Variants in TRAPPC11 observed in about 807,000 individuals in gnomAD.
TRAPPC11 encodes the protein foie gras homolog.
TRAPPC11 carries 104 observed loss-of-function variants against 151.2 expected under a neutral mutation model. The ratio of observed to expected loss-of-function variants is 0.69; its 90% CI spans 0.59 to 0.81. TRAPPC11 has a LOEUF of 0.81. Among genes scored for constraint, TRAPPC11 ranks in the 30% least tolerant of loss-of-function variants. The pLI is 0.00. For missense variants in TRAPPC11, 1,230 were observed against 1,349.6 expected (o/e 0.91, Z 1.39); for synonymous variants, 456 against 472.3 (o/e 0.97, Z 0.45).
At chr4:183,663,736 G>GTTTTTTTTTTTTTTTTTTTTTTTTTTTTT (rs70959134) in intron 1 of TRAPPC11, 111 bp from the exon 2 acceptor site, 1 of 378,496 alleles carries the variant, frequency 2.6e-6, no homozygotes, top group Non-Finnish European at 4.6e-6. Flanking sequence ...AATATGAGTT[G>GTTTTTTTTTTTTTTTTTTTTTTTTTTTTT]TTTTTTTTTT....
chr4:183,683,876 T>C (rs1735823905), intron 11 of TRAPPC11, 99 bp from the exon 12 acceptor site: 3 of 939,210 alleles, frequency 3.2e-6, no homozygotes, highest in Non-Finnish European at 5.1e-6. Flanking sequence ...GAAATGATTA[T>C]ATTAAATAAA....
At position 183,693,972 on chromosome 4, in the gene TRAPPC11, G is replaced by C. The variant is rs1234210727; in HGVS notation, c.2442G>C (p.Leu814=). The C allele has an allele frequency of 6.2e-7, 1 of 1,613,940 alleles. No individual in the cohort carries two copies. The highest frequency in any genetic ancestry group is 8.5e-7 in the Non-Finnish European group (1 of 1,179,936). The change falls in exon 22 of 30, where the codon CTG becomes CTC. Residue 814 remains leucine (L), a synonymous_variant. Coordinates refer to ENST00000334690, the MANE Select transcript of TRAPPC11 (RefSeq NM_021942.6). ...ACGTGACTCTTCATGGAACAGAACT[G>C]TGTGATGAATCCTACCCGGCTTTAC... ...KTHVTLHGTE[L]CDESYPALLT...
At chr4:183,660,723 G>T (rs545997045) in intron 1 of TRAPPC11, among the ~76,000 whole-genome samples, 85 of 152,188 alleles carry the variant, frequency 5.6e-4, no homozygotes, top group African/African-American at 1.9e-3. Context: ...GTTTTTTGTT[G>T]TTGTTGTTGA....
intron 2 of TRAPPC11, among the ~76,000 whole-genome samples, chr4:183,665,207 G>C (rs113507943): frequency 9.0e-5 from 13 of 144,362 alleles, no homozygotes; most frequent in African/African-American, 3.1e-4. Context: ...CCATTCTCCT[G>C]CTTCAGCCTC....
In TRAPPC11 at chr4:183,704,991, G is replaced by A. The variant is rs1363823033; in HGVS notation, c.2976G>A (p.Met992Ile). 2 of 1,592,768 alleles carry A rather than the reference G, an allele frequency of 1.3e-6. 1 individual carries two copies. Among genetic ancestry groups the A allele is most frequent in the South Asian group, 2.3e-5 (2 of 88,090 alleles). ...YIISWKRTSA[M>I]ENIPIITTVI... is the part of the protein sequence containing the mutation. ...TCTTCTGCCACAGGACCTCAGCAATGGAGAATATCCCCATCATCACAACTG... is the reference window on the plus strand; with the variant it reads ...TCTTCTGCCACAGGACCTCAGCAATAGAGAATATCCCCATCATCACAACTG... Residue 992 changes from methionine to isoleucine, a missense_variant, in exon 27 of 30, where the codon ATG becomes ATA. Met to Ile is a conservative substitution (Grantham distance 10). Transcript: ENST00000334690.
chr4:183,665,026 C>T (rs957208674), intron 2 of TRAPPC11, among the ~76,000 whole-genome samples: 3 of 151,346 alleles, frequency 2.0e-5, no homozygotes, highest in African/African-American at 7.3e-5. Flanking sequence ...AAACTGAGCT[C>T]TCTGAAATTG....
chr4:183,693,372 T>G (rs1561052774), intron 20 of TRAPPC11, among the ~76,000 whole-genome samples: 1 of 152,102 alleles, frequency 6.6e-6, no homozygotes, highest in African/African-American at 2.4e-5. Flanking sequence ...GCCTGACTAA[T>G]TTTTGTATTT....
intron 22 of TRAPPC11, among the ~76,000 whole-genome samples, chr4:183,694,298 A>C (rs112293226): frequency 6.6e-6 from 1 of 152,212 alleles, no homozygotes; most frequent in Non-Finnish European, 1.5e-5. Context: ...AACTTAGTGC[A>C]GTTAACTTCT....
intron 1 of TRAPPC11, among the ~76,000 whole-genome samples, chr4:183,659,924 G>C (rs1177290213): frequency 7.3e-6 from 1 of 136,878 alleles, no homozygotes; most frequent in Non-Finnish European, 1.6e-5. Context: ...ATTAGGTTTT[G>C]GGGTTTTTTT....
At position 183,675,145 on chromosome 4, in the gene TRAPPC11, T is replaced by A. The variant is rs772287226; in HGVS notation, c.661-19T>A. 2.2e-6 allele frequency: 3 copies of A among 1,384,600 alleles called. No individual in the cohort carries two copies. The highest frequency in any genetic ancestry group is 2.9e-6 in the Non-Finnish European group (3 of 1,025,860). The allele number at this position is 1,384,600 out of a possible 1,614,324, so 85.8% of individuals were successfully genotyped here. ...TTAAATAGAATATGTATAATAGTAATTTTTTTGTCTCTTTTTAGCTTTTAT... is the reference window on the plus strand; with the variant it reads ...TTAAATAGAATATGTATAATAGTAAATTTTTTGTCTCTTTTTAGCTTTTAT... On this transcript the variant is annotated intron_variant, in intron 6 of 29. Transcript: ENST00000334690.
At chr4:183,673,616 G>A (rs1239638954) in intron 5 of TRAPPC11, among the ~76,000 whole-genome samples, 2 of 152,148 alleles carry the variant, frequency 1.3e-5, no homozygotes, top group Non-Finnish European at 2.9e-5. Flanking sequence ...TGAGGCTGTG[G>A]TGAGACTTGA....
Position 183,664,077 on chromosome 4 carries a change from G to A in TRAPPC11, c.204+6G>A. ...ATCCCAAATGTAGACCCAAGGTAAT[G>A]GCATTGTGATGGCATGTGTTCTTTC... On this transcript the variant is annotated splice_donor_region_variant and intron_variant, in intron 2 of 29. Transcript: ENST00000334690. 6.2e-7 allele frequency: 1 copy of A among 1,609,608 alleles called. No homozygotes were observed. Among genetic ancestry groups the A allele is most frequent in the East Asian group, 2.2e-5 (1 of 44,866 alleles).
chr4:183,712,473 G>A (rs1737380727), intron 29 of TRAPPC11, 127 bp from the exon 30 acceptor site: 1 of 927,196 alleles, frequency 1.1e-6, no homozygotes, highest in Non-Finnish European at 1.7e-6. Context: ...TTTTTATTTT[G>A]ATGCTTACAC....
At chr4:183,674,539 T>A (rs944137360) in intron 5 of TRAPPC11, among the ~76,000 whole-genome samples, 174 bp from the exon 6 acceptor site, 13 of 152,288 alleles carry the variant, frequency 8.5e-5, no homozygotes, top group African/African-American at 3.1e-4. Context: ...TGGTCTTGTT[T>A]TTAGACTTTT....
chr4:183,683,904 A>G (rs574595973), intron 11 of TRAPPC11, 71 bp from the exon 12 acceptor site: 1 of 1,170,872 alleles, frequency 8.5e-7, no homozygotes, highest in East Asian at 2.3e-5. Context: ...AGGAGTGTAC[A>G]CATACAACGT....
chr4:183,669,803 C>CT (rs1735060797), intron 5 of TRAPPC11, among the ~76,000 whole-genome samples: 2 of 152,310 alleles, frequency 1.3e-5, no homozygotes, highest in South Asian at 4.1e-4. Context: ...CTACCTTAAC[C>CT]ATCAGTGATC....
Position 183,712,898 on chromosome 4 carries a change from A to T in TRAPPC11, c.*254A>T. 2 of 441,546 alleles carry T rather than the reference A, an allele frequency of 4.5e-6. No individual in the cohort carries two copies. The highest frequency in any genetic ancestry group is 8.0e-6 in the Non-Finnish European group (2 of 251,312). 27.4% of individuals were successfully genotyped at this position (441,546 alleles called of 1,614,324 possible). On this transcript the variant is annotated 3_prime_UTR_variant, in exon 30 of 30. Coordinates refer to ENST00000334690, the MANE Select transcript of TRAPPC11 (RefSeq NM_021942.6). ...CAGACCATTGTTATTGTTGAAAGTCATTTGATGAATGGTAAATTCTATGAA... is the reference window on the plus strand; with the variant it reads ...CAGACCATTGTTATTGTTGAAAGTCTTTTGATGAATGGTAAATTCTATGAA...
At position 183,685,011 on chromosome 4, in the gene TRAPPC11, C is replaced by G. The variant is rs1378875549; in HGVS notation, c.1568-73C>G. 11 of 1,465,088 alleles carry G rather than the reference C, an allele frequency of 7.5e-6. 1 individual carries two copies. Among genetic ancestry groups the G allele is most frequent in the Non-Finnish European group, 1.0e-5 (11 of 1,064,504 alleles). The allele number at this position is 1,465,088 out of a possible 1,614,324, so 90.8% of individuals were successfully genotyped here. ...AGGTATTTATTATTATATCAAGTTT[C>G]TAAAACAATAAATGGGGGTAGTAGA... On this transcript the variant is annotated intron_variant, in intron 15 of 29. Transcript: ENST00000334690.
chr4:183,693,588 G>T lies in TRAPPC11; in HGVS notation c.2238-1G>T. 1 of 1,593,672 alleles carries T rather than the reference G, an allele frequency of 6.3e-7. No individual in the cohort carries two copies. The highest frequency in any genetic ancestry group is 8.5e-7 in the Non-Finnish European group (1 of 1,174,430). On this transcript the variant is annotated splice_acceptor_variant, in intron 20 of 29. Transcript: ENST00000334690. LOFTEE classifies it high-confidence loss of function. The stretch of plus-strand genomic sequence containing the variant: ...TACTTAGCTAAGGTTTCTTTTCAAA[G>T]GATCATATCCAGAGTCCCAAACATT...
Sources: allele counts gnomAD v4.1 joint callset (sites outside exome capture counted in the v4.1 genomes callset), GRCh38; gene constraint gnomAD v4.1.1; transcripts MANE v1.5; gene names NCBI Gene and HGNC (gene_info 2026-07-23, HGNC 2026-07-21).